The following CDK5RAP2 variants were observed in gnomAD, a reference collection of about 807,000 sequenced individuals.
CDK5RAP2 encodes the protein CDK5 regulatory subunit associated protein 2, also known as CDK5 regulatory subunit-associated protein 2.
A neutral mutation model predicts 232.9 loss-of-function variants in CDK5RAP2; 147 were observed. The ratio of observed to expected loss-of-function variants is 0.63; its 90% CI spans 0.55 to 0.72. The LOEUF (loss-of-function observed/expected upper bound fraction) is 0.72. Ranked by LOEUF, CDK5RAP2 falls within the 30% of genes least tolerant of loss-of-function variation. The probability of loss-of-function intolerance (pLI) is 0.00; values close to 1 mark genes in which losing one functional copy is unlikely to be tolerated. For missense variants in CDK5RAP2, 2,195 were observed against 2,231.5 expected, an observed-to-expected ratio of 0.98 and a Z score of 0.33; for synonymous variants, 833 against 833.7, an observed-to-expected ratio of 1.00 and a Z score of 0.01.
chr9:120,535,515 G>T (rs2041346687), intron 7 of CDK5RAP2, among the ~76,000 whole-genome samples: 1 of 152,218 alleles, frequency 6.6e-6, no homozygotes, highest in South Asian at 2.1e-4. Context: ...ATTTGCTTTA[G>T]AACAATTTCT....
At chr9:120,444,874 T>G (rs771158317) in intron 22 of CDK5RAP2, among the ~76,000 whole-genome samples, 4 of 152,226 alleles carry the variant, frequency 2.6e-5, no homozygotes, top group Non-Finnish European at 5.9e-5. Flanking sequence ...AATTTCTGTA[T>G]CTGCCTCAAA....
intron 1 of CDK5RAP2, among the ~76,000 whole-genome samples, chr9:120,577,711 G>A (rs761878196): frequency 2.2e-4 from 34 of 152,184 alleles, no homozygotes; most frequent in Non-Finnish European, 4.0e-4. Context: ...GCCAACCCTA[G>A]GCTTTATACC....
intron 11 of CDK5RAP2, among the ~76,000 whole-genome samples, 167 bp downstream of exon 11, chr9:120,524,819 C>A (rs1390736097): frequency 6.6e-6 from 1 of 152,066 alleles, no homozygotes; most frequent in Non-Finnish European, 1.5e-5. Context: ...GAAAAGCTCC[C>A]AAATCTGGTA....
intron 7 of CDK5RAP2, among the ~76,000 whole-genome samples, chr9:120,533,819 A>AC: frequency 6.7e-6 from 1 of 149,802 alleles, no homozygotes; most frequent in East Asian, 2.0e-4. Context: ...AAAAAAAAAA[A>AC]AAAATGCCTG....
chr9:120,400,488 C>T (rs868778728), intron 35 of CDK5RAP2, among the ~76,000 whole-genome samples: 1 of 152,224 alleles, frequency 6.6e-6, no homozygotes, highest in African/African-American at 2.4e-5. Context: ...CTCCCTGAGT[C>T]CTGGTTCCCT....
intron 14 of CDK5RAP2, among the ~76,000 whole-genome samples, chr9:120,483,492 T>C (rs368040358): frequency 1.3e-5 from 2 of 152,232 alleles, no homozygotes; most frequent in East Asian, 3.8e-4. Flanking sequence ...GCTGTTCAAG[T>C]CTTGCCTGGC....
intron 2 of CDK5RAP2, among the ~76,000 whole-genome samples, chr9:120,569,788 C>T (rs1399883543): frequency 6.6e-6 from 1 of 152,132 alleles, no homozygotes; most frequent in African/African-American, 2.4e-5. Context: ...TTTCTGAGAA[C>T]AGACTGTAAG....
intron 34 of CDK5RAP2, 51 bp from the exon 35 acceptor site, chr9:120,400,936 G>C: frequency 6.2e-7 from 1 of 1,607,306 alleles, no homozygotes; most frequent in Non-Finnish European, 8.5e-7. Flanking sequence ...AAAGATTTTA[G>C]ACAAGCAAGC....
chr9:120,438,486 G>C (rs1312069585), intron 24 of CDK5RAP2, among the ~76,000 whole-genome samples: 1 of 152,208 alleles, frequency 6.6e-6, no homozygotes, highest in Non-Finnish European at 1.5e-5. Context: ...TAACTCATGA[G>C]TAACATGAGT....
At chr9:120,520,683 AT>A (rs1331313650) in intron 11 of CDK5RAP2, among the ~76,000 whole-genome samples, 1 of 145,200 alleles carries the variant, frequency 6.9e-6, no homozygotes, top group Non-Finnish European at 1.5e-5. Flanking sequence ...ATCACATATC[AT>A]ATGAGATATA....
At chr9:120,515,812 C>T (rs900254027) in intron 12 of CDK5RAP2, among the ~76,000 whole-genome samples, 1 of 152,184 alleles carries the variant, frequency 6.6e-6, no homozygotes, top group African/African-American at 2.4e-5. Context: ...ATCAAAACCA[C>T]AATGAGATAC....
chr9:120,411,948 C>T (rs1353322936), intron 28 of CDK5RAP2, among the ~76,000 whole-genome samples: 2 of 151,200 alleles, frequency 1.3e-5, no homozygotes, highest in Non-Finnish European at 3.0e-5. Context: ...CCATTCTAAA[C>T]CCCTTTCTCT....
chr9:120,571,709 CA>C, intron 2 of CDK5RAP2: 1 of 450,652 alleles, frequency 2.2e-6, no homozygotes, highest in Non-Finnish European at 4.1e-6. Flanking sequence ...TTCAGTTCAG[CA>C]AACGCTCACT....
At position 120,547,288 on chromosome 9, in the gene CDK5RAP2, C is replaced by A. The variant is rs1564365161; in HGVS notation, c.307-1498G>T. ...TACAGGCGTGAGCCACCGCATCCGG[C>A]CATATGTGTATTATTTAAACAAAAA... On this transcript the variant is annotated intron_variant, in intron 4 of 37. Transcript: ENST00000349780. Among the ~76,000 whole-genome samples, 4 of 152,230 alleles carry A rather than the reference C, an allele frequency of 2.6e-5. No individual in the cohort carries two copies. In the South Asian group the frequency reaches 8.3e-4, roughly 32 times the overall value.
chr9:120,510,929 C>A (rs941906811), intron 12 of CDK5RAP2, among the ~76,000 whole-genome samples: 4 of 152,168 alleles, frequency 2.6e-5, no homozygotes, highest in African/African-American at 9.7e-5. Flanking sequence ...CTAACAATAT[C>A]ATTACAAGTA....
chr9:120,579,955 C>A lies in CDK5RAP2; in HGVS notation c.24G>T (p.Glu8Asp). 1.2e-6 allele frequency: 2 copies of A among 1,613,142 alleles called. No homozygotes were observed. Among genetic ancestry groups the A allele is most frequent in the Non-Finnish European group, 1.7e-6 (2 of 1,179,070 alleles). Reference sequence around the variant, plus strand: ...TGAGCGTCCCAGGGACGGTGACGTCCTCTTCCAACACCAAGTCCATCATGG... The same window carrying A: ...TGAGCGTCCCAGGGACGGTGACGTCATCTTCCAACACCAAGTCCATCATGG... MMDLVLE[E>D]DVTVPGTLSG... Residue 8 changes from glutamate to aspartate, a missense_variant, in exon 1 of 38, where the codon GAG becomes GAT. Glu to Asp is a conservative substitution (Grantham distance 45, BLOSUM62 2). Transcript: ENST00000349780.
intron 25 of CDK5RAP2, among the ~76,000 whole-genome samples, chr9:120,423,442 T>C (rs1199057911): frequency 6.6e-6 from 1 of 152,164 alleles, no homozygotes; most frequent in African/African-American, 2.4e-5. Flanking sequence ...AAGGAGTACA[T>C]GAGTACAGCT....
intron 25 of CDK5RAP2, among the ~76,000 whole-genome samples, chr9:120,425,718 A>G (rs1007395267): frequency 2.6e-5 from 4 of 152,224 alleles, no homozygotes; most frequent in African/African-American, 9.6e-5. Flanking sequence ...ACAGCCTGGC[A>G]TCTCCTACAT....
At position 120,579,942 on chromosome 9, in the gene CDK5RAP2, G is replaced by A; in HGVS notation, c.37C>T (p.Pro13Ser). ...CACCTGCAGCCGCTGAGCGTCCCAGGGACGGTGACGTCCTCTTCCAACACC... is the reference window on the plus strand; with the variant it reads ...CACCTGCAGCCGCTGAGCGTCCCAGAGACGGTGACGTCCTCTTCCAACACC... ...DLVLEEDVTV[P>S]GTLSGCSGLV... The change falls in exon 1 of 38, where the codon CCT (proline) becomes TCT (serine). Residue 13 changes from proline to serine, a missense_variant. Coordinates refer to ENST00000349780, the MANE Select transcript of CDK5RAP2 (RefSeq NM_018249.6). The A allele has an allele frequency of 6.2e-7, 1 of 1,613,450 alleles. No homozygotes were observed. Among genetic ancestry groups the A allele is most frequent in the Non-Finnish European group, 8.5e-7 (1 of 1,179,364 alleles).
Sources: gnomAD v4.1 joint callset for allele counts (sites outside exome capture counted in the v4.1 genomes callset) on GRCh38, gnomAD v4.1.1 for gene constraint, MANE v1.5 for transcripts, NCBI Gene and HGNC (gene_info 2026-07-23, HGNC 2026-07-21) for gene names.